The following ZNF718 variants were observed in gnomAD, a reference collection of about 807,000 sequenced individuals.
ZNF718 encodes zinc finger protein 718.
Under a neutral mutation model 2.6 loss-of-function variants are expected in ZNF718, and 3 were observed. That is an observed-to-expected ratio of 1.16 (90% CI 0.53 to 3.01). The LOEUF (loss-of-function observed/expected upper bound fraction) is 3.01, where lower values mean the gene tolerates loss of function less well. Ranked by LOEUF, ZNF718 falls within the 30% of genes most tolerant of loss-of-function variation. The pLI is 0.03. For missense variants in ZNF718, 468 were observed against 230.0 expected (o/e 2.03, Z -6.69); for synonymous variants, 135 against 77.9 (o/e 1.73, Z -3.86).
At chr4:185,311 T>C (rs1317395797) in intron 3 of ZNF718, among the ~76,000 whole-genome samples, 2 of 152,210 alleles carry the variant, frequency 1.3e-5, no homozygotes, top group African/African-American at 4.8e-5. Flanking sequence ...TTGCATGGTT[T>C]TGAGTGAATT....
At chr4:135,262 A>G (rs1024418622) in intron 3 of ZNF718, among the ~76,000 whole-genome samples, 6 of 143,168 alleles carry the variant, frequency 4.2e-5, no homozygotes, top group Admixed American at 7.0e-5. Flanking sequence ...AAAAAAGTTT[A>G]TTTTGTCAAG....
At chr4:137,000 A>G (rs1553809416) in intron 3 of ZNF718, among the ~76,000 whole-genome samples, 1 of 152,096 alleles carries the variant, frequency 6.6e-6, no homozygotes, top group Non-Finnish European at 1.5e-5. Flanking sequence ...ATGAATGGTT[A>G]ACACCATCCC....
At chr4:169,027 T>C (rs2108808970), downstream of ZNF718, among the ~76,000 whole-genome samples, 1 of 152,326 alleles carries the variant, frequency 6.6e-6, no homozygotes, top group East Asian at 1.9e-4. Context: ...GCTTTGAATG[T>C]GTCCCAGAGA....
In ZNF718 at chr4:176,342, C is replaced by G. The variant is rs142311971; in HGVS notation, c.227-24739C>G. Among the ~76,000 whole-genome samples the G allele has an allele frequency of 3.3e-3, 508 of 152,206 alleles. 1 individual carries two copies. Among genetic ancestry groups the G allele is most frequent in the African/African-American group, 0.012 (487 of 41,534 alleles). On this transcript the variant is annotated intron_variant and NMD_transcript_variant, in intron 3 of 4. Transcript: ENST00000642529. ...CCCCTGCTAACATACTATTTCTAAC[C>G]CAAGCTAAAGAGGCCTTTGAAGATT...
In ZNF718 at chr4:129,480, C is replaced by T. The variant is rs1715302393; in HGVS notation, c.4-1308C>T. Among the ~76,000 whole-genome samples the T allele has an allele frequency of 2.9e-5, 3 of 104,460 alleles. 1 individual carries two copies. The highest frequency in any genetic ancestry group is 1.0e-4 in the Admixed American group (1 of 9,662). The allele number at this position is 104,460 out of a possible 152,430, so 68.5% of individuals were successfully genotyped here. A position where few individuals can be genotyped will look rare whatever the true frequency, so the allele number is the denominator to read the frequency against. On this transcript the variant is annotated intron_variant, in intron 1 of 3. Transcript: ENST00000510175. ...TAGAGGAGATCAGAGTTTGGGGTGG[C>T]TACCCCTACTGCCTCTCCAGAGCTG...
intron 3 of ZNF718, among the ~76,000 whole-genome samples, chr4:197,856 C>G (rs548598334): frequency 2.0e-5 from 3 of 152,230 alleles, no homozygotes; most frequent in Non-Finnish European, 2.9e-5. Context: ...CTGATCAACC[C>G]TCCTGCTAAG....
intron 3 of ZNF718, among the ~76,000 whole-genome samples, chr4:175,079 T>A (rs1241207042): frequency 6.6e-6 from 1 of 152,214 alleles, no homozygotes; most frequent in African/African-American, 2.4e-5. Flanking sequence ...GAGAGATCCT[T>A]TCTACTTGCA....
downstream of ZNF718, among the ~76,000 whole-genome samples, chr4:166,845 C>G (rs1717099657): frequency 6.6e-6 from 1 of 152,104 alleles, no homozygotes; most frequent in Non-Finnish European, 1.5e-5. Flanking sequence ...TGCAGAAGCT[C>G]TTTAGTTTAA....
rs1553815165 is a variant in ZNF718, at chr4:161,522, A to G, written c.837A>G (p.Ala279=). The change falls in exon 4 of 4, where the codon GCA becomes GCG. Residue 279 remains alanine, a synonymous_variant. Transcript: ENST00000510175. ...ATTTACATAAGAGAATTCATTCTGCACAAAAATACTACAAATGTGAAGAAT... is the reference window on the plus strand; with the variant it reads ...ATTTACATAAGAGAATTCATTCTGCGCAAAAATACTACAAATGTGAAGAAT... ...TLNLHKRIHS[A]QKYYKCEECG... 1 of 780,860 alleles carries G rather than the reference A, an allele frequency of 1.3e-6. No homozygotes were observed. Among genetic ancestry groups the G allele is most frequent in the Non-Finnish European group, 2.4e-6 (1 of 417,968 alleles). 48.4% of individuals were successfully genotyped at this position (780,860 alleles called of 1,614,324 possible).
rs199509645 is a variant in ZNF718, at chr4:147,895, TG to T, written c.227-13012del. Among the ~76,000 whole-genome samples, 1,111 of 152,106 alleles carry T rather than the reference TG, an allele frequency of 7.3e-3. 14 individuals are homozygous for T. Among genetic ancestry groups the T allele is most frequent in the Middle Eastern group, 0.061 (18 of 294 alleles). The stretch of plus-strand genomic sequence containing the variant: ...GGAAAAAAAACCCTCCAATTATATC[TG>T]GGGGTGCTGATACAGTAATGTTATC... On this transcript the variant is annotated intron_variant, in intron 3 of 3. Transcript: ENST00000510175.
chr4:151,456 T>C (rs1424204541), intron 3 of ZNF718, among the ~76,000 whole-genome samples: 1 of 102,820 alleles, frequency 9.7e-6, no homozygotes, highest in African/African-American at 3.9e-5. Context: ...ACTGGAGTAA[T>C]GTTTTTTTGT....
rs1298768299 is a variant in ZNF718, at chr4:128,781, CAGAA to C, written c.4-2002_4-1999del. Reference sequence around the variant, plus strand: ...CATGCAGGGTTTGTTCCTCCCCTCACAGAAAGAATCTCCTTGGTTTGTACCCAGA... The same window carrying C: ...CATGCAGGGTTTGTTCCTCCCCTCACAGAATCTCCTTGGTTTGTACCCAGA... On this transcript the variant is annotated intron_variant, in intron 1 of 3. Transcript: ENST00000510175. 3.8e-5 allele frequency among the ~76,000 whole-genome samples: 4 copies of C among 104,276 alleles called. 1 individual carries two copies. The East Asian group carries it at 2.1e-3, about 55-fold the overall frequency. 68.4% of individuals were successfully genotyped at this position (104,276 alleles called of 152,430 possible).
At chr4:166,535 C>T (rs1446745338), downstream of ZNF718, among the ~76,000 whole-genome samples, 7 of 152,222 alleles carry the variant, frequency 4.6e-5, no homozygotes, top group East Asian at 9.6e-4. Context: ...TTTTAATGAT[C>T]GCCATTCTAA....
chr4:174,875 ACT>A (rs1717317082), intron 3 of ZNF718, among the ~76,000 whole-genome samples: 1 of 152,212 alleles, frequency 6.6e-6, no homozygotes, highest in Admixed American at 6.5e-5. Context: ...GGGATAAAAT[ACT>A]TTTTACAGTC....
rs1715327894 is a variant in ZNF718, at chr4:130,683, A to G, written c.4-105A>G. On this transcript the variant is annotated intron_variant, in intron 1 of 3. Coordinates refer to ENST00000510175, the MANE Select transcript of ZNF718 (RefSeq NM_001039127.6). ...CTTGAGCCTGGGAGGTGAAGTTTGC[A>G]GTGAGCTGAGACCGTACCACTGCAC... The G allele has an allele frequency of 1.7e-5, 3 of 175,466 alleles. 1 individual carries two copies. The highest frequency in any genetic ancestry group is 3.2e-5 in the Non-Finnish European group (3 of 93,102). The allele number at this position is 175,466 out of a possible 1,614,324, so 10.9% of individuals were successfully genotyped here.
At chr4:130,359 A>T (rs1715320769) in intron 1 of ZNF718, among the ~76,000 whole-genome samples, 1 of 103,990 alleles carries the variant, frequency 9.6e-6, no homozygotes, top group Non-Finnish European at 2.1e-5. Flanking sequence ...AGTGACTCTT[A>T]GCCCAGTCTT....
At chr4:145,768 T>A (rs987113295) in intron 3 of ZNF718, among the ~76,000 whole-genome samples, 46 of 152,130 alleles carry the variant, frequency 3.0e-4, no homozygotes, top group Non-Finnish European at 2.6e-4. Flanking sequence ...CTTCTTTTTT[T>A]AAAAAAACCA....
chr4:176,240 C>T (rs990292970), intron 3 of ZNF718, among the ~76,000 whole-genome samples: 3 of 152,144 alleles, frequency 2.0e-5, no homozygotes, highest in Admixed American at 2.0e-4. Context: ...CCTACTTGGC[C>T]ACAATACAAG....
chr4:148,427 G>A (rs1716163080), intron 3 of ZNF718, among the ~76,000 whole-genome samples: 1 of 151,906 alleles, frequency 6.6e-6, no homozygotes, highest in Admixed American at 6.6e-5. Context: ...TGGCCAAATT[G>A]GCCAAATCCC....
Sources: allele counts gnomAD v4.1 joint callset (sites outside exome capture counted in the v4.1 genomes callset), GRCh38; gene constraint gnomAD v4.1.1; transcripts MANE v1.5; gene names NCBI Gene and HGNC (gene_info 2026-07-23, HGNC 2026-07-21).